Variants in NEK10 observed in about 807,000 individuals in gnomAD.
The protein encoded by NEK10 is NIMA related kinase 10.
In NEK10, 122 loss-of-function variants were observed where a neutral mutation model predicts 159.8. The ratio of observed to expected loss-of-function variants is 0.76; its 90% CI spans 0.66 to 0.89. NEK10 has a LOEUF of 0.89. Among genes scored for constraint, NEK10 ranks in the 40% least tolerant of loss-of-function variants. The probability of loss-of-function intolerance (pLI) is 0.00; values close to 1 mark genes in which losing one functional copy is unlikely to be tolerated. For missense variants in NEK10, 1,342 were observed against 1,323.1 expected, an observed-to-expected ratio of 1.01 and a Z score of -0.22; for synonymous variants, 466 against 457.1, an observed-to-expected ratio of 1.02 and a Z score of -0.25.
rs1041893335 is a variant in NEK10, at chr3:27,109,761, A to T, written c.*1511T>A. 1.3e-5 allele frequency among the ~76,000 whole-genome samples: 2 copies of T among 152,192 alleles called. No individual in the cohort carries two copies. Among genetic ancestry groups the T allele is most frequent in the Non-Finnish European group, 2.9e-5 (2 of 68,036 alleles). ...ATAGCATTTTGATTTTATGAATTTCACATATGGATAGAATTAGTTTGAAAG... is the reference window on the plus strand; with the variant it reads ...ATAGCATTTTGATTTTATGAATTTCTCATATGGATAGAATTAGTTTGAAAG... On this transcript the variant is annotated 3_prime_UTR_variant, in exon 36 of 36. Transcript: ENST00000691995.
At chr3:27,288,500 C>G (rs974186759) in intron 19 of NEK10, among the ~76,000 whole-genome samples, 1 of 152,198 alleles carries the variant, frequency 6.6e-6, no homozygotes, top group Non-Finnish European at 1.5e-5. Context: ...CACTGACCCT[C>G]CCTCACCCTG....
chr3:27,119,952 C>T (rs75689470), intron 32 of NEK10, 84 bp from the exon 33 acceptor site: 2 of 948,494 alleles, frequency 2.1e-6, no homozygotes, highest in Admixed American at 1.8e-5. Flanking sequence ...TTTTCATTTC[C>T]CTATGTCTCT....
intron 23 of NEK10, among the ~76,000 whole-genome samples, chr3:27,233,016 C>G (rs368720355): frequency 9.9e-5 from 15 of 151,890 alleles, no homozygotes; most frequent in Admixed American, 3.3e-4. Flanking sequence ...CCAAATGCAA[C>G]GAAAACAAAA....
chr3:27,359,778 T>C (rs914183399), intron 1 of NEK10, among the ~76,000 whole-genome samples: 1 of 152,222 alleles, frequency 6.6e-6, no homozygotes, highest in African/African-American at 2.4e-5. Context: ...GTTTCTATGT[T>C]ACGTCTAAAA....
intron 28 of NEK10, among the ~76,000 whole-genome samples, chr3:27,172,680 G>T (rs1947120497): frequency 6.6e-6 from 1 of 152,022 alleles, no homozygotes; most frequent in Admixed American, 6.6e-5. Flanking sequence ...CCCATACAAT[G>T]TATAATTTAA....
chr3:27,169,896 T>C (rs1946800602), intron 29 of NEK10, among the ~76,000 whole-genome samples: 1 of 152,088 alleles, frequency 6.6e-6, no homozygotes, highest in Non-Finnish European at 1.5e-5. Flanking sequence ...GCTCTCTCTC[T>C]CTCAGGATTT....
chr3:27,342,323 A>G (rs947373871), intron 5 of NEK10, among the ~76,000 whole-genome samples: 2 of 152,170 alleles, frequency 1.3e-5, no homozygotes, highest in African/African-American at 4.8e-5. Context: ...GGAAGAAAAA[A>G]AAGGAGGGAT....
intron 22 of NEK10, among the ~76,000 whole-genome samples, chr3:27,275,859 C>T (rs979802756): frequency 1.3e-5 from 2 of 152,104 alleles, no homozygotes; most frequent in Admixed American, 6.5e-5. Context: ...CAGGGTAGGT[C>T]CAATTCAATG....
At chr3:27,355,379 T>C (rs2048261735) in intron 1 of NEK10, among the ~76,000 whole-genome samples, 1 of 152,110 alleles carries the variant, frequency 6.6e-6, no homozygotes, top group African/African-American at 2.4e-5. Context: ...ACTATATGGA[T>C]GCCTAATGAG....
chr3:27,171,156 G>A (rs1338284635), intron 29 of NEK10, among the ~76,000 whole-genome samples: 2 of 152,194 alleles, frequency 1.3e-5, no homozygotes, highest in African/African-American at 4.8e-5. Context: ...ACTTGCAGAA[G>A]GCTCAATCTA....
chr3:27,276,999 C>T, intron 22 of NEK10, among the ~76,000 whole-genome samples: 1 of 152,180 alleles, frequency 6.6e-6, no homozygotes, highest in East Asian at 1.9e-4. Context: ...TTTCAGTCAA[C>T]ACAATATAAG....
intron 32 of NEK10, among the ~76,000 whole-genome samples, chr3:27,127,394 G>A (rs1942093584): frequency 6.6e-6 from 1 of 152,038 alleles, no homozygotes; most frequent in East Asian, 1.9e-4. Context: ...TTTCATCATT[G>A]TGCAAACATC....
At chr3:27,288,927 C>T (rs2149481322) in intron 19 of NEK10, among the ~76,000 whole-genome samples, 1 of 152,252 alleles carries the variant, frequency 6.6e-6, no homozygotes, top group Non-Finnish European at 1.5e-5. Flanking sequence ...CATGGCTTCC[C>T]AGTTAGAGAA....
intron 23 of NEK10, chr3:27,255,061 T>A (rs1428310621): frequency 1.2e-5 from 2 of 163,642 alleles, no homozygotes; most frequent in Admixed American, 1.3e-4. Flanking sequence ...GTTTTAATTG[T>A]TCTGCAATTT....
chr3:27,117,437 C>T (rs557495242), intron 33 of NEK10, among the ~76,000 whole-genome samples: 218 of 152,296 alleles, frequency 1.4e-3, no homozygotes, highest in African/African-American at 5.1e-3. Context: ...AATTTACATT[C>T]CCAGCAACAG....
At chr3:27,260,692 G>C (rs1401163377) in intron 22 of NEK10, among the ~76,000 whole-genome samples, 1 of 152,078 alleles carries the variant, frequency 6.6e-6, no homozygotes, top group Non-Finnish European at 1.5e-5. Flanking sequence ...TTTTTTGGTT[G>C]TGTCTCTGCC....
At chr3:27,237,329 G>T (rs1019475037) in intron 23 of NEK10, among the ~76,000 whole-genome samples, 1 of 152,076 alleles carries the variant, frequency 6.6e-6, no homozygotes, top group African/African-American at 2.4e-5. Context: ...GAAGATAACA[G>T]GATTAAGAGA....
intron 22 of NEK10, among the ~76,000 whole-genome samples, chr3:27,262,164 C>T: frequency 6.6e-6 from 1 of 152,172 alleles, no homozygotes; most frequent in East Asian, 1.9e-4. Context: ...TTGGCCCCAA[C>T]TCTCTTCTGG....
chr3:27,217,417 C>T (rs1357379962), intron 23 of NEK10, among the ~76,000 whole-genome samples: 3 of 152,158 alleles, frequency 2.0e-5, no homozygotes, highest in African/African-American at 7.2e-5. Context: ...CAGGCATCTT[C>T]GCATGGCCAG....
Sources: gnomAD v4.1 joint callset for allele counts (sites outside exome capture counted in the v4.1 genomes callset) on GRCh38, gnomAD v4.1.1 for gene constraint, MANE v1.5 for transcripts, NCBI Gene and HGNC (gene_info 2026-07-23, HGNC 2026-07-21) for gene names.